NCBP3: variants seen among roughly 807,000 people sequenced by gnomAD.
NCBP3 encodes the protein nuclear cap binding subunit 3, also known as nuclear cap-binding protein subunit 3.
NCBP3 carries 20 observed loss-of-function variants against 75.7 expected under a neutral mutation model. That is an observed-to-expected ratio of 0.26 (90% confidence interval 0.19 to 0.38). The LOEUF (loss-of-function observed/expected upper bound fraction) is 0.38. Among genes scored for constraint, NCBP3 ranks in the 10% least tolerant of loss-of-function variants. The pLI is 1.00. For missense variants in NCBP3, 678 were observed against 796.9 expected, an observed-to-expected ratio of 0.85 and a Z score of 1.80; for synonymous variants, 293 against 290.5, an observed-to-expected ratio of 1.01 and a Z score of -0.09.
At chr17:3,842,407 G>A (rs995460057) in intron 2 of NCBP3, among the ~76,000 whole-genome samples, 12 of 152,156 alleles carry the variant, frequency 7.9e-5, no homozygotes, top group East Asian at 7.7e-4. Flanking sequence ...CCTGGGCAAC[G>A]GAGCGAGACT....
At chr17:3,829,394 T>C (rs1567590186) in intron 3 of NCBP3, 26 bp from the exon 4 acceptor site, 2 of 1,549,510 alleles carry the variant, frequency 1.3e-6, no homozygotes, top group Non-Finnish European at 1.7e-6. Flanking sequence ...ACAGAAAAGA[T>C]GATAGAATTT....
At chr17:3,844,004 A>G (rs1227530704) in intron 1 of NCBP3, among the ~76,000 whole-genome samples, 1 of 152,234 alleles carries the variant, frequency 6.6e-6, no homozygotes, top group Non-Finnish European at 1.5e-5. Context: ...CATCAACTCC[A>G]AGTATCCATG....
rs1272339713 is a variant in NCBP3, at chr17:3,813,119, G to A, written c.1788C>T (p.Ser596=). 1 of 1,614,232 alleles carries A rather than the reference G, an allele frequency of 6.2e-7. No homozygotes were observed. Among genetic ancestry groups the A allele is most frequent in the Non-Finnish European group, 8.5e-7 (1 of 1,180,040 alleles). The change falls in exon 13 of 13, where the codon AGC becomes AGT. Residue 596 remains serine (S), a synonymous_variant. Coordinates refer to ENST00000389005, the MANE Select transcript of NCBP3 (RefSeq NM_001114118.3). ...KEKEQSRQKK[S]RLDNLPSLQI... ...GGAGAGATGGTAAGTTATCTAACCG[G>A]CTCTTCTTTTGGCGAGACTGCTCTT...
At chr17:3,814,103 A>T (rs772791246) in intron 12 of NCBP3, among the ~76,000 whole-genome samples, 3 of 152,258 alleles carry the variant, frequency 2.0e-5, no homozygotes, top group Non-Finnish European at 2.9e-5. Context: ...AAACAGAAAG[A>T]GCCAGGAGTG....
rs1044320483 is a variant in NCBP3, at chr17:3,809,108, C to G, written c.*3936G>C. On this transcript the variant is annotated 3_prime_UTR_variant, in exon 13 of 13. Coordinates refer to ENST00000389005, the MANE Select transcript of NCBP3 (RefSeq NM_001114118.3). Reference sequence around the variant, plus strand: ...AGACGGCCTGGGCAACATAACGAAACCCCATCTGTACAAAATGTATTTTAA... The same window carrying G: ...AGACGGCCTGGGCAACATAACGAAAGCCCATCTGTACAAAATGTATTTTAA... 6.6e-6 allele frequency: 1 copy of G among 151,916 alleles called. No individual in the cohort carries two copies. Among genetic ancestry groups the G allele is most frequent in the South Asian group, 2.1e-4 (1 of 4,812 alleles). The allele number at this position is 151,916 out of a possible 1,614,324, so 9.4% of individuals were successfully genotyped here. A position where few individuals can be genotyped will look rare whatever the true frequency, so the allele number is the denominator to read the frequency against.
intron 10 of NCBP3, 144 bp from the exon 11 acceptor site, chr17:3,816,414 A>C: frequency 1.3e-6 from 1 of 749,502 alleles, no homozygotes; most frequent in Non-Finnish European, 2.1e-6. Flanking sequence ...CCATAAACTT[A>C]TAATTATTTG....
rs1457763372 is a variant in NCBP3 at position 3,831,390 on chromosome 17, G to C, written c.356-2022C>G. 2.6e-5 allele frequency among the ~76,000 whole-genome samples: 4 copies of C among 151,496 alleles called. No individual in the cohort carries two copies. In the South Asian group the frequency reaches 8.4e-4, roughly 32 times the overall value. The stretch of plus-strand genomic sequence containing the variant: ...AGGTCGAGACCATCTGGCCAACATG[G>C]TGAAACCCCATCTCTACTAAAAATA... On this transcript the variant is annotated intron_variant, in intron 3 of 12. Transcript: ENST00000389005.
At chr17:3,815,014 T>A (rs537569030) in intron 11 of NCBP3, among the ~76,000 whole-genome samples, 1 of 152,242 alleles carries the variant, frequency 6.6e-6, no homozygotes, top group Non-Finnish European at 1.5e-5. Flanking sequence ...TGAGGCCCTG[T>A]GCCGAGGTCT....
At chr17:3,826,395 C>T (rs1365440608) in intron 4 of NCBP3, among the ~76,000 whole-genome samples, 180 bp from the exon 5 acceptor site, 1 of 152,086 alleles carries the variant, frequency 6.6e-6, no homozygotes, top group Non-Finnish European at 1.5e-5. Flanking sequence ...ACCTATAACC[C>T]CAGTACTTTG....
intron 3 of NCBP3, among the ~76,000 whole-genome samples, chr17:3,836,705 G>A (rs1332735377): frequency 6.7e-6 from 1 of 150,186 alleles, no homozygotes; most frequent in African/African-American, 2.4e-5. Context: ...TCCAGATAAG[G>A]AAACTGAGAT....
Position 3,829,230 on chromosome 17 carries a change from C to G in NCBP3, c.481+13G>C. The G allele has an allele frequency of 6.4e-7, 1 of 1,550,888 alleles. No individual in the cohort carries two copies. Among genetic ancestry groups the G allele is most frequent in the Non-Finnish European group, 8.7e-7 (1 of 1,146,622 alleles). On this transcript the variant is annotated intron_variant, in intron 4 of 12. Transcript: ENST00000389005. ...AACAAAAGCATATTCACAGGAAACT[C>G]GGGTGTACTTACAGGAGGTATCATC...
chr17:3,824,885 C>A (rs888142057), intron 7 of NCBP3, 57 bp downstream of exon 7: 7 of 970,414 alleles, frequency 7.2e-6, no homozygotes, highest in Non-Finnish European at 9.2e-6. Flanking sequence ...AAGGATGTCA[C>A]TCCATAATAA....
In NCBP3 at chr17:3,804,609, C is replaced by T. The variant is rs2053318002; in HGVS notation, c.*8435G>A. On this transcript the variant is annotated 3_prime_UTR_variant, in exon 13 of 13. Coordinates refer to ENST00000389005, the MANE Select transcript of NCBP3 (RefSeq NM_001114118.3). ...TGAGTCAAAAGCACTGAGGCACAGC[C>T]TTCAGACACAGGAAATGGTTCTATT... 6.6e-6 allele frequency: 1 copy of T among 152,256 alleles called. No individual in the cohort carries two copies. The highest frequency in any genetic ancestry group is 2.4e-5 in the African/African-American group (1 of 41,464). The allele number at this position is 152,256 out of a possible 1,614,324, so 9.4% of individuals were successfully genotyped here.
Position 3,841,602 on chromosome 17 carries a change from C to CTTTTTTT in NCBP3, c.250-1404_250-1398dup, listed in dbSNP as rs373561293. Among the ~76,000 whole-genome samples the CTTTTTTT allele has an allele frequency of 4.6e-4, 54 of 118,022 alleles. 1 individual carries two copies. Among genetic ancestry groups the CTTTTTTT allele is most frequent in the African/African-American group, 1.7e-3 (54 of 31,620 alleles). The allele number at this position is 118,022 out of a possible 152,430, so 77.4% of individuals were successfully genotyped here. A position where few individuals can be genotyped will look rare whatever the true frequency, so the allele number is the denominator to read the frequency against. On this transcript the variant is annotated intron_variant, in intron 2 of 12. Coordinates refer to ENST00000389005, the MANE Select transcript of NCBP3 (RefSeq NM_001114118.3). The stretch of plus-strand genomic sequence containing the variant: ...GTCTAAAAGATGACCAATTCTCTCT[C>CTTTTTTT]TTTTTTTTTTTTTTTTTTTGCGGGG...
At chr17:3,844,832 G>A (rs2054132227) in intron 1 of NCBP3, among the ~76,000 whole-genome samples, 1 of 152,204 alleles carries the variant, frequency 6.6e-6, no homozygotes, top group African/African-American at 2.4e-5. Flanking sequence ...TACTCAGGAG[G>A]CTGAGGCAGG....
rs2053778500 is a variant in NCBP3, at chr17:3,826,092, T to C, written c.605A>G (p.Lys202Arg). 6.4e-7 allele frequency: 1 copy of C among 1,551,176 alleles called. No homozygotes were observed. Among genetic ancestry groups the C allele is most frequent in the South Asian group, 1.2e-5 (1 of 84,022 alleles). The change falls in exon 5 of 13, where the codon AAA becomes AGA. Residue 202 changes from lysine (K) to arginine (R), a missense_variant. Physicochemically the swap from Lys to Arg is conservative, Grantham distance 26. Around this residue, in one of 7 missense-constraint regions of NCBP3, gnomAD observed 98 missense variants for 101.8 expected, o/e 0.96. Coordinates refer to ENST00000389005, the MANE Select transcript of NCBP3 (RefSeq NM_001114118.3). ...ASEDKSAEKR[K>R]KDKQEDSSDD... The stretch of plus-strand genomic sequence containing the variant: ...TCCCTCCTTTGTGTTGTTACCTTTT[T>C]TCCTTTTCTCAGCTGACTTGTCCTC...
At position 3,818,282 on chromosome 17, in the gene NCBP3, A is replaced by T; in HGVS notation, c.1291T>A (p.Ser431Thr). ...KMTMYADEVE[S>T]QLKNIRNSMR... ...TTTTACCTAATATTTTTCAACTGAG[A>T]TTCCACTTCGTCAGCATACATAGTC... Residue 431 changes from serine to threonine, a missense_variant, in exon 10 of 13, where the codon TCT (serine) becomes ACT (threonine). Transcript: ENST00000389005. This position sits in a 1 kb window ranked among gnomAD's most constrained non-coding sequence, Gnocchi z 4.7. 1 of 1,582,246 alleles carries T rather than the reference A, an allele frequency of 6.3e-7. No individual in the cohort carries two copies. The highest frequency in any genetic ancestry group is 8.6e-7 in the Non-Finnish European group (1 of 1,163,896).
intron 2 of NCBP3, 104 bp downstream of exon 2, chr17:3,842,982 G>T: frequency 9.8e-7 from 1 of 1,021,768 alleles, no homozygotes; most frequent in Non-Finnish European, 1.4e-6. Flanking sequence ...TTTAAATCCA[G>T]CAACAAAATA....
intron 1 of NCBP3, among the ~76,000 whole-genome samples, chr17:3,845,363 A>G (rs1217799986): frequency 6.6e-6 from 1 of 152,218 alleles, no homozygotes; most frequent in East Asian, 1.9e-4. Flanking sequence ...CTGGATATAC[A>G]GCCACCAAGT....
Sources: gnomAD v4.1 joint callset for allele counts (sites outside exome capture counted in the v4.1 genomes callset) on GRCh38, gnomAD v4.1.1 for gene constraint, gnomAD v4.1.1 regional missense constraint, Gnocchi (gnomAD v3.1) non-coding constraint, MANE v1.5 for transcripts, NCBI Gene and HGNC (gene_info 2026-07-23, HGNC 2026-07-21) for gene names.